DISC1: variants seen among roughly 807,000 people sequenced by gnomAD.
DISC1 encodes disrupted in schizophrenia 1 protein.
Under a neutral mutation model 84.5 loss-of-function variants are expected in DISC1, and 57 were observed. That is an observed-to-expected ratio of 0.67 (90% CI 0.55 to 0.84). The LOEUF is 0.84. Ranked by LOEUF, DISC1 falls within the 40% of genes least tolerant of loss-of-function variation. The pLI is 0.00. For synonymous variants in DISC1, 411 were observed against 415.2 expected (o/e 0.99, Z 0.12); for missense variants, 1,000 against 1,057.8 (o/e 0.95, Z 0.76).
intron 3 of DISC1, among the ~76,000 whole-genome samples, chr1:231,743,193 G>A (rs2073537046): frequency 6.6e-6 from 1 of 152,208 alleles, no homozygotes; most frequent in South Asian, 2.1e-4. Context: ...TTTGAAGACA[G>A]TGCTTAATGA....
chr1:231,783,950 A>C (rs1298975934), intron 6 of DISC1, among the ~76,000 whole-genome samples: 1 of 152,126 alleles, frequency 6.6e-6, no homozygotes, highest in Non-Finnish European at 1.5e-5. Context: ...ATCTTATTAA[A>C]AAGGGTTCAT....
intron 3 of DISC1, among the ~76,000 whole-genome samples, chr1:231,730,993 A>T (rs563176620): frequency 6.6e-6 from 1 of 152,364 alleles, no homozygotes; most frequent in South Asian, 2.1e-4. Flanking sequence ...GGCTAAAAAA[A>T]AAAAATCACA....
At chr1:231,834,174 C>T (rs989735398) in intron 9 of DISC1, among the ~76,000 whole-genome samples, 1 of 152,096 alleles carries the variant, frequency 6.6e-6, no homozygotes, top group African/African-American at 2.4e-5. Context: ...GAGGGCTAGT[C>T]ATGGAACGAA....
At chr1:231,769,390 A>G (rs1392586200) in intron 5 of DISC1, among the ~76,000 whole-genome samples, 2 of 152,374 alleles carry the variant, frequency 1.3e-5, no homozygotes, top group African/African-American at 4.8e-5. Context: ...CAACAGATAA[A>G]TGATAAACAA....
At chr1:231,832,225 A>G (rs2082285611) in intron 9 of DISC1, among the ~76,000 whole-genome samples, 1 of 152,134 alleles carries the variant, frequency 6.6e-6, no homozygotes, top group South Asian at 2.1e-4. Context: ...TGAGAACTGT[A>G]GAGAGTGAGT....
chr1:232,014,198 T>C (rs1242752461), intron 11 of DISC1, among the ~76,000 whole-genome samples: 3 of 152,232 alleles, frequency 2.0e-5, no homozygotes, highest in African/African-American at 7.2e-5. Flanking sequence ...GTGCTTCCTC[T>C]TCAGCCATAA....
intron 4 of DISC1, among the ~76,000 whole-genome samples, chr1:231,763,676 T>G (rs1201954256): frequency 6.6e-6 from 1 of 152,230 alleles, no homozygotes; most frequent in Non-Finnish European, 1.5e-5. Flanking sequence ...AGTGTCAAGT[T>G]AAGACTCAGC....
intron 1 of DISC1, among the ~76,000 whole-genome samples, chr1:231,678,422 A>G (rs928589953): frequency 1.1e-4 from 16 of 152,186 alleles, no homozygotes; most frequent in Admixed American, 9.2e-4. Context: ...CCATAAGATC[A>G]TCTATAGACT....
At chr1:231,672,690 C>T (rs1259810036) in intron 1 of DISC1, among the ~76,000 whole-genome samples, 1 of 152,170 alleles carries the variant, frequency 6.6e-6, no homozygotes, top group Non-Finnish European at 1.5e-5. Flanking sequence ...TTCTGTGGAT[C>T]TTTGTACATG....
At chr1:231,900,090 C>T (rs1393443753) in intron 9 of DISC1, among the ~76,000 whole-genome samples, 1 of 152,118 alleles carries the variant, frequency 6.6e-6, no homozygotes, top group Non-Finnish European at 1.5e-5. Flanking sequence ...AATAGTCTAG[C>T]CTGTGTTTGG....
intron 3 of DISC1, among the ~76,000 whole-genome samples, chr1:231,704,687 G>C (rs907594196): frequency 1.3e-5 from 2 of 151,382 alleles, no homozygotes; most frequent in Non-Finnish European, 2.9e-5. Flanking sequence ...GTGAACCCAG[G>C]GGGCGGAGCT....
chr1:231,906,643 C>A (rs968244484), intron 9 of DISC1, among the ~76,000 whole-genome samples: 17 of 152,160 alleles, frequency 1.1e-4, no homozygotes, highest in Admixed American at 7.2e-4. Context: ...ACTGTCCTTC[C>A]TAAAGCTTTG....
At chr1:231,821,788 A>G (rs924693649) in intron 9 of DISC1, among the ~76,000 whole-genome samples, 1 of 147,732 alleles carries the variant, frequency 6.8e-6, no homozygotes, top group Non-Finnish European at 1.5e-5. Context: ...ATCTCTGCTC[A>G]CTGCAACCTC....
chr1:231,723,941 C>T (rs932338645), intron 3 of DISC1: 2 of 985,440 alleles, frequency 2.0e-6, no homozygotes, highest in Non-Finnish European at 2.4e-6. Context: ...GTGGCTTTCA[C>T]AGTTTGTGAT....
chr1:232,003,288 T>C (rs1666944568), intron 10 of DISC1, among the ~76,000 whole-genome samples: 1 of 152,128 alleles, frequency 6.6e-6, no homozygotes, highest in Non-Finnish European at 1.5e-5. Flanking sequence ...GGTAAAAAGA[T>C]AAGCTGGGTA....
intron 1 of DISC1, among the ~76,000 whole-genome samples, chr1:231,627,364 C>T (rs184741121): frequency 8.5e-5 from 13 of 152,358 alleles, no homozygotes; most frequent in Admixed American, 5.9e-4. Context: ...GGGGACGTCC[C>T]GCCCGCCTTA....
chr1:231,855,459 CA>C (rs1042259697), intron 9 of DISC1: 2 of 977,922 alleles, frequency 2.0e-6, no homozygotes, highest in Non-Finnish European at 2.4e-6. Context: ...TCCATTAAGA[CA>C]AACACACAAA....
chr1:231,878,403 C>G (rs764683860), intron 9 of DISC1, among the ~76,000 whole-genome samples: 4 of 152,026 alleles, frequency 2.6e-5, no homozygotes, highest in Admixed American at 6.5e-5. Flanking sequence ...AGCACCAGAC[C>G]CTCTGAACAA....
At chr1:231,715,896 C>T (rs190682593) in intron 3 of DISC1, among the ~76,000 whole-genome samples, 6 of 152,202 alleles carry the variant, frequency 3.9e-5, no homozygotes, top group African/African-American at 1.2e-4. Flanking sequence ...ACAGCTCAGC[C>T]GGGAATGGAG....
Sources: gnomAD v4.1 joint callset for allele counts (sites outside exome capture counted in the v4.1 genomes callset) on GRCh38, gnomAD v4.1.1 for gene constraint, MANE v1.5 for transcripts, NCBI Gene and HGNC (gene_info 2026-07-23, HGNC 2026-07-21) for gene names.